Variants in SMC6 observed in about 807,000 individuals in gnomAD.
SMC6 encodes structural maintenance of chromosomes 6.
Under a neutral mutation model 142.2 loss-of-function variants are expected in SMC6, and 79 were observed. The ratio of observed to expected loss-of-function variants is 0.56; its 90% CI spans 0.46 to 0.67. SMC6 has a LOEUF of 0.67. Among genes scored for constraint, SMC6 ranks in the 30% least tolerant of loss-of-function variants. The probability of loss-of-function intolerance (pLI) is 0.00; values close to 1 mark genes in which losing one functional copy is unlikely to be tolerated. For synonymous variants in SMC6, 411 were observed against 412.4 expected, an observed-to-expected ratio of 1.00 and a Z score of 0.04; for missense variants, 1,072 against 1,284.0, an observed-to-expected ratio of 0.83 and a Z score of 2.52.
In SMC6 at chr2:17,713,551, C is replaced by T. The variant is rs771271563; in HGVS notation, c.1730+1310G>A. 5 of 470,890 alleles carry T rather than the reference C, an allele frequency of 1.1e-5. No homozygotes were observed. In the Admixed American group the frequency reaches 1.2e-4, roughly 11 times the overall value. 29.2% of individuals were successfully genotyped at this position (470,890 alleles called of 1,614,324 possible). Reference sequence around the variant, plus strand: ...GTGTCAGTTCACAGAGCAGGCCCCACCAGAATGGCCAGGACTATTCTCTTT... The same window carrying T: ...GTGTCAGTTCACAGAGCAGGCCCCATCAGAATGGCCAGGACTATTCTCTTT... On this transcript the variant is annotated intron_variant, in intron 16 of 27. Transcript: ENST00000448223.
Position 17,678,943 on chromosome 2 carries a change from T to A in SMC6, c.2826A>T (p.Lys942Asn). The change falls in exon 25 of 28, where the codon AAA (lysine) becomes AAT (asparagine). Residue 942 changes from lysine to asparagine, a missense_variant. Around this residue, in one of 3 missense-constraint regions of SMC6, gnomAD observed 994 missense variants for 1,153.2 expected, o/e 0.86. Transcript: ENST00000448223. ...GAGATAGTAAGTTGTCAAAGTATAATTTGCATCGTAAAGTCAAACACCTTG... is the reference window on the plus strand; with the variant it reads ...GAGATAGTAAGTTGTCAAAGTATAAATTGCATCGTAAAGTCAAACACCTTG... ...QFRRCLTLRC[K>N]LYFDNLLSQR... 1 of 1,611,644 alleles carries A rather than the reference T, an allele frequency of 6.2e-7. No homozygotes were observed. Among genetic ancestry groups the A allele is most frequent in the Non-Finnish European group, 8.5e-7 (1 of 1,179,048 alleles).
chr2:17,694,907 G>A (rs964707509), intron 23 of SMC6, among the ~76,000 whole-genome samples: 2 of 151,960 alleles, frequency 1.3e-5, no homozygotes, highest in African/African-American at 4.8e-5. Context: ...ATGTCTATAT[G>A]AACCTTATAG....
chr2:17,722,432 T>C (rs1363750466), intron 9 of SMC6, among the ~76,000 whole-genome samples: 1 of 152,188 alleles, frequency 6.6e-6, no homozygotes, highest in Non-Finnish European at 1.5e-5. Context: ...CTCATGTTCA[T>C]CCCTACTTGC....
chr2:17,679,534 CCTT>C (rs1189083884), intron 24 of SMC6: 1 of 152,078 alleles, frequency 6.6e-6, no homozygotes, highest in South Asian at 2.1e-4. Context: ...AGGAACTTTC[CCTT>C]CTTCCTCAGT....
At chr2:17,735,633 A>G (rs1020896396) in intron 5 of SMC6, among the ~76,000 whole-genome samples, 1 of 152,344 alleles carries the variant, frequency 6.6e-6, no homozygotes. Flanking sequence ...AGTAAACTGT[A>G]TATGTTTAAA....
At chr2:17,704,605 A>T (rs551827955) in intron 18 of SMC6, among the ~76,000 whole-genome samples, 1 of 152,320 alleles carries the variant, frequency 6.6e-6, no homozygotes, top group South Asian at 2.1e-4. Context: ...TATTCCACTA[A>T]GATGAATATT....
At chr2:17,700,620 A>G (rs774534571) in intron 20 of SMC6, among the ~76,000 whole-genome samples, 22 of 152,214 alleles carry the variant, frequency 1.4e-4, no homozygotes, top group Non-Finnish European at 2.5e-4. Context: ...GATCATAATC[A>G]AAAAGAATGA....
chr2:17,741,897 A>G (rs921416213), intron 3 of SMC6, among the ~76,000 whole-genome samples, 168 bp from the exon 4 acceptor site: 1 of 152,242 alleles, frequency 6.6e-6, no homozygotes, highest in African/African-American at 2.4e-5. Flanking sequence ...GGAACCTTCT[A>G]TGAGTCAGTA....
At chr2:17,740,921 C>T (rs1002028661) in intron 4 of SMC6, 1 of 283,766 alleles carries the variant, frequency 3.5e-6, no homozygotes, top group Non-Finnish European at 6.9e-6. Flanking sequence ...TAATTGGTTC[C>T]CCACTGTCTT....
chr2:17,708,170 T>C (rs1391619803), intron 17 of SMC6, among the ~76,000 whole-genome samples: 1 of 152,034 alleles, frequency 6.6e-6, no homozygotes, highest in Non-Finnish European at 1.5e-5. Context: ...AAACAAAATA[T>C]GGTGATCTAA....
chr2:17,723,883 C>T (rs1287869830), intron 9 of SMC6, among the ~76,000 whole-genome samples: 1 of 152,082 alleles, frequency 6.6e-6, no homozygotes, highest in Non-Finnish European at 1.5e-5. Flanking sequence ...TATTCAAACC[C>T]AGAGTTTATT....
At chr2:17,702,839 T>C (rs1280166846) in intron 19 of SMC6, among the ~76,000 whole-genome samples, 1 of 152,218 alleles carries the variant, frequency 6.6e-6, no homozygotes, top group Non-Finnish European at 1.5e-5. Context: ...TTGTGAGGCC[T>C]CCCCAACCAT....
intron 25 of SMC6, among the ~76,000 whole-genome samples, chr2:17,677,212 T>C (rs1269455023): frequency 6.6e-6 from 1 of 152,126 alleles, no homozygotes; most frequent in Admixed American, 6.6e-5. Flanking sequence ...GTACAATATT[T>C]CACTAAAGAG....
At chr2:17,750,068 C>A (rs1670950745) in intron 2 of SMC6, among the ~76,000 whole-genome samples, 1 of 152,128 alleles carries the variant, frequency 6.6e-6, no homozygotes, top group African/African-American at 2.4e-5. Context: ...GAGACTTATT[C>A]ATTAAGTCCA....
chr2:17,672,322 T>C (rs1449018363), intron 25 of SMC6, among the ~76,000 whole-genome samples: 2 of 152,236 alleles, frequency 1.3e-5, no homozygotes, highest in Non-Finnish European at 2.9e-5. Context: ...TCTTCTGGTA[T>C]TCTTTTGAAA....
At chr2:17,712,463 A>G (rs1668872699) in intron 16 of SMC6, among the ~76,000 whole-genome samples, 1 of 152,198 alleles carries the variant, frequency 6.6e-6, no homozygotes, top group African/African-American at 2.4e-5. Context: ...GGCAAGATGT[A>G]CAAATGCAGG....
chr2:17,729,275 A>G (rs1669790887), intron 7 of SMC6, among the ~76,000 whole-genome samples: 1 of 152,242 alleles, frequency 6.6e-6, no homozygotes, highest in Non-Finnish European at 1.5e-5. Context: ...AGTGCTCCAC[A>G]CAGCTCTAGA....
At position 17,715,877 on chromosome 2, in the gene SMC6, T is replaced by C. The variant is rs577314430; in HGVS notation, c.1525+209A>G. Among the ~76,000 whole-genome samples the C allele has an allele frequency of 1.1e-4, 16 of 152,288 alleles. No homozygotes were observed. The East Asian group carries it at 1.9e-3, about 18-fold the overall frequency. ...ATTCAGAAAAACAAGAATCAAATCA[T>C]TCAACTCTATGATTACTTTTCCTTT... On this transcript the variant is annotated intron_variant, in intron 15 of 27. Coordinates refer to ENST00000448223, the MANE Select transcript of SMC6 (RefSeq NM_001142286.2).
At chr2:17,700,731 A>C (rs184900069) in intron 20 of SMC6, among the ~76,000 whole-genome samples, 1 of 152,202 alleles carries the variant, frequency 6.6e-6, no homozygotes, top group Non-Finnish European at 1.5e-5. Flanking sequence ...TATTATCCAT[A>C]TGTTTAAGAA....
Sources: allele counts gnomAD v4.1 joint callset (sites outside exome capture counted in the v4.1 genomes callset), GRCh38; gene constraint gnomAD v4.1.1; regional missense constraint gnomAD v4.1.1; transcripts MANE v1.5; gene names NCBI Gene and HGNC (gene_info 2026-07-23, HGNC 2026-07-21).